Variants in RORB observed in about 807,000 individuals in gnomAD.
RORB encodes the protein nuclear receptor ROR-beta.
In RORB, 6 loss-of-function variants were observed where a neutral mutation model predicts 59.1. The ratio of observed to expected loss-of-function variants is 0.10; its 90% CI spans 0.06 to 0.20. RORB has a LOEUF of 0.20. Ranked by LOEUF, RORB falls within the 10% of genes least tolerant of loss-of-function variation. RORB has a pLI of 1.00. For synonymous variants in RORB, 215 were observed against 204.5 expected, an observed-to-expected ratio of 1.05 and a Z score of -0.44; for missense variants, 320 against 560.5, an observed-to-expected ratio of 0.57 and a Z score of 4.33.
intron 1 of RORB, among the ~76,000 whole-genome samples, chr9:74,550,125 A>G (rs1040043612): frequency 6.6e-6 from 1 of 152,188 alleles, no homozygotes; most frequent in Non-Finnish European, 1.5e-5. Flanking sequence ...TATTTTCTTA[A>G]GTATTGTAAA....
chr9:74,555,539 T>G (rs1349300466), intron 1 of RORB, among the ~76,000 whole-genome samples: 1 of 152,218 alleles, frequency 6.6e-6, no homozygotes, highest in African/African-American at 2.4e-5. Context: ...CAGCAAAGAC[T>G]CAAAGTCACA....
chr9:74,543,342 G>A (rs1826439098), intron 1 of RORB, among the ~76,000 whole-genome samples: 1 of 152,206 alleles, frequency 6.6e-6, no homozygotes, highest in African/African-American at 2.4e-5. Context: ...CCCCTTTGAG[G>A]AGGAGCTGCA....
chr9:74,612,147 G>A (rs142472007), intron 1 of RORB, among the ~76,000 whole-genome samples: 54 of 152,280 alleles, frequency 3.5e-4, no homozygotes, highest in African/African-American at 1.3e-3. Flanking sequence ...ATGGTCAGGG[G>A]ACACTTTGCA....
At chr9:74,518,457 T>C (rs1218758474) in intron 1 of RORB, among the ~76,000 whole-genome samples, 2 of 152,036 alleles carry the variant, frequency 1.3e-5, no homozygotes, top group Non-Finnish European at 2.9e-5. Context: ...GGTACTTTGC[T>C]ATCTCACAAA....
intron 3 of RORB, among the ~76,000 whole-genome samples, chr9:74,641,514 C>A (rs2118458995): frequency 6.6e-6 from 1 of 152,240 alleles, no homozygotes; most frequent in East Asian, 1.9e-4. Context: ...ATCATTTGAT[C>A]CCAAAAGCCA....
In RORB at chr9:74,686,667, A is replaced by G. The variant is rs1297215062; in HGVS notation, c.*1049A>G. 1 of 152,512 alleles carries G rather than the reference A, an allele frequency of 6.6e-6. No homozygotes were observed. Among genetic ancestry groups the G allele is most frequent in the Non-Finnish European group, 1.5e-5 (1 of 68,024 alleles). The allele number at this position is 152,512 out of a possible 1,614,324, so 9.4% of individuals were successfully genotyped here. ...TTTTCTAGGAAAGTTAAAAGAATAA[A>G]TCAGAACCCAGGGCAACAATGCCAT... is the stretch of plus-strand genomic sequence containing the variant. On this transcript the variant is annotated 3_prime_UTR_variant, in exon 10 of 10. Coordinates refer to ENST00000376896, the MANE Select transcript of RORB (RefSeq NM_006914.4).
At chr9:74,600,253 T>C (rs1288840832) in intron 1 of RORB, among the ~76,000 whole-genome samples, 1 of 152,204 alleles carries the variant, frequency 6.6e-6, no homozygotes, top group Non-Finnish European at 1.5e-5. Flanking sequence ...TTGAAAGTAA[T>C]TCCTGGGTGA....
At chr9:74,596,323 G>T (rs185027714) in intron 1 of RORB, among the ~76,000 whole-genome samples, 2 of 152,186 alleles carry the variant, frequency 1.3e-5, no homozygotes, top group Admixed American at 6.5e-5. Flanking sequence ...AATAAAAAGG[G>T]TCACCATCAG....
In RORB at chr9:74,549,487, A is replaced by G. The variant is rs1826556766; in HGVS notation, c.7+51504A>G. Among the ~76,000 whole-genome samples, 2 of 126,198 alleles carry G rather than the reference A, an allele frequency of 1.6e-5. 1 individual carries two copies. 82.8% of individuals were successfully genotyped at this position (126,198 alleles called of 152,430 possible). ...GAGAGAGAGAGAGAGGTAGGGAGGG[A>G]GAGAGAGAGAGAAAGAAAGAAAGGG... On this transcript the variant is annotated intron_variant, in intron 1 of 9. Coordinates refer to ENST00000376896, the MANE Select transcript of RORB (RefSeq NM_006914.4).
At chr9:74,649,989 A>G (rs1056620431) in intron 4 of RORB, among the ~76,000 whole-genome samples, 1 of 152,244 alleles carries the variant, frequency 6.6e-6, no homozygotes, top group Non-Finnish European at 1.5e-5. Context: ...AGAACCTCAT[A>G]AGAAGATTCT....
At chr9:74,614,809 C>T (rs986018704) in intron 1 of RORB, among the ~76,000 whole-genome samples, 10 of 152,088 alleles carry the variant, frequency 6.6e-5, no homozygotes, top group African/African-American at 1.9e-4. Flanking sequence ...TGGAAGTTAA[C>T]GCAATTTTTA....
chr9:74,542,092 T>C (rs959353727), intron 1 of RORB, among the ~76,000 whole-genome samples: 1 of 152,020 alleles, frequency 6.6e-6, no homozygotes, highest in African/African-American at 2.4e-5. Context: ...AAAATGAAAC[T>C]TCAATCCAGA....
At chr9:74,553,460 A>G (rs1246180018) in intron 1 of RORB, among the ~76,000 whole-genome samples, 1 of 152,196 alleles carries the variant, frequency 6.6e-6, no homozygotes, top group Admixed American at 6.5e-5. Context: ...TAACAGAACT[A>G]TAACCAGAAT....
chr9:74,628,306 T>C (rs1191896237), intron 1 of RORB, among the ~76,000 whole-genome samples: 1 of 152,242 alleles, frequency 6.6e-6, no homozygotes, highest in Non-Finnish European at 1.5e-5. Flanking sequence ...CTCTTCTGTT[T>C]TTTTATCATT....
intron 1 of RORB, among the ~76,000 whole-genome samples, chr9:74,530,723 T>A (rs374316831): frequency 6.6e-6 from 1 of 151,956 alleles, no homozygotes; most frequent in Non-Finnish European, 1.5e-5. Flanking sequence ...ATTGAGATTT[T>A]TTATTATTAT....
intron 4 of RORB, among the ~76,000 whole-genome samples, chr9:74,651,612 A>T (rs777209801): frequency 1.6e-4 from 25 of 152,278 alleles, no homozygotes; most frequent in Admixed American, 1.4e-3. Context: ...AGACCTTAGA[A>T]AACATCGCTG....
At chr9:74,668,254 G>A (rs1195042527) in intron 8 of RORB, among the ~76,000 whole-genome samples, 1 of 152,214 alleles carries the variant, frequency 6.6e-6, no homozygotes, top group Non-Finnish European at 1.5e-5. Context: ...CCAGTTGGAT[G>A]AGACACAGTA....
At chr9:74,512,662 A>G (rs1343358938) in intron 1 of RORB, among the ~76,000 whole-genome samples, 2 of 152,312 alleles carry the variant, frequency 1.3e-5, no homozygotes, top group Middle Eastern at 3.4e-3. Flanking sequence ...GCAAAGAACT[A>G]TCCTGTCCAA....
In RORB at chr9:74,538,881, A is replaced by G. The variant is rs76696905; in HGVS notation, c.7+40898A>G. On this transcript the variant is annotated intron_variant, in intron 1 of 9. Coordinates refer to ENST00000376896, the MANE Select transcript of RORB (RefSeq NM_006914.4). ...CTGGCTGTGTGACCTTGGACAATTC[A>G]CTCAACTTCCCTGATCCCCAGCTCA... Among the ~76,000 whole-genome samples the G allele has an allele frequency of 1.0e-3, 156 of 152,218 alleles. 4 individuals carry two copies. The East Asian group carries it at 0.027, about 27-fold the overall frequency.
Sources: gnomAD v4.1 joint callset for allele counts (sites outside exome capture counted in the v4.1 genomes callset) on GRCh38, gnomAD v4.1.1 for gene constraint, MANE v1.5 for transcripts, NCBI Gene and HGNC (gene_info 2026-07-23, HGNC 2026-07-21) for gene names.